Variants in HDAC4 observed in about 807,000 individuals in gnomAD.
HDAC4 encodes the protein histone deacetylase A.
Under a neutral mutation model 135.1 loss-of-function variants are expected in HDAC4, and 16 were observed. The observed-to-expected ratio is 0.12, with a 90% CI of 0.08 to 0.18. The LOEUF (loss-of-function observed/expected upper bound fraction) is 0.18, where lower values mean the gene tolerates loss of function less well. HDAC4 is among the 10% of genes least tolerant of loss of function. HDAC4 has a pLI of 1.00. For synonymous variants in HDAC4, 685 were observed against 653.4 expected, an observed-to-expected ratio of 1.05 and a Z score of -0.74; for missense variants, 1,143 against 1,511.8, an observed-to-expected ratio of 0.76 and a Z score of 4.05.
chr2:239,222,111 A>G (rs1266406764), intron 3 of HDAC4, among the ~76,000 whole-genome samples: 2 of 152,198 alleles, frequency 1.3e-5, no homozygotes, highest in Non-Finnish European at 2.9e-5. Context: ...GCGCAAGGCC[A>G]GAAACAGATC....
chr2:239,101,636 G>A (rs2037643597), intron 16 of HDAC4, among the ~76,000 whole-genome samples: 2 of 152,190 alleles, frequency 1.3e-5, no homozygotes, highest in Non-Finnish European at 2.9e-5. Context: ...CAGAAGATGG[G>A]GAAGAAAACC....
chr2:239,203,963 G>A (rs1011905561), intron 3 of HDAC4, among the ~76,000 whole-genome samples: 12 of 152,188 alleles, frequency 7.9e-5, no homozygotes, highest in Admixed American at 6.5e-4. Flanking sequence ...TTTCCTCAGC[G>A]CCCTTCCCAC....
At chr2:239,072,680 G>A (rs2034321157) in intron 22 of HDAC4, among the ~76,000 whole-genome samples, 1 of 152,250 alleles carries the variant, frequency 6.6e-6, no homozygotes, top group African/African-American at 2.4e-5. Flanking sequence ...GACGGCAGCA[G>A]GGCTGGCCCT....
intron 2 of HDAC4, among the ~76,000 whole-genome samples, chr2:239,347,660 G>T (rs951097911): frequency 6.6e-6 from 1 of 152,038 alleles, no homozygotes; most frequent in Non-Finnish European, 1.5e-5. Context: ...GACTACAGGC[G>T]CGTGCCACCA....
intron 5 of HDAC4, 28 bp from the exon 6 acceptor site, chr2:239,163,951 G>A: frequency 6.2e-7 from 1 of 1,613,720 alleles, no homozygotes; most frequent in Non-Finnish European, 8.5e-7. Flanking sequence ...ATAGCAGGGG[G>A]TGAAGTGTGG....
intron 1 of HDAC4, among the ~76,000 whole-genome samples, chr2:239,370,120 G>A (rs1694505043): frequency 6.6e-6 from 1 of 152,262 alleles, no homozygotes; most frequent in Admixed American, 6.5e-5. Flanking sequence ...GGACTGGCAG[G>A]TCAGTGAGGG....
At chr2:239,257,038 T>C (rs2049089305) in intron 2 of HDAC4, among the ~76,000 whole-genome samples, 2 of 152,216 alleles carry the variant, frequency 1.3e-5, no homozygotes, top group South Asian at 2.1e-4. Flanking sequence ...AAAATATCCA[T>C]GTAGACAAAT....
intron 1 of HDAC4, among the ~76,000 whole-genome samples, chr2:239,356,081 C>A (rs1693470891): frequency 6.6e-6 from 1 of 152,198 alleles, no homozygotes; most frequent in African/African-American, 2.4e-5. Flanking sequence ...CTATTCAAAA[C>A]TATGCTATTT....
chr2:239,111,924 G>A (rs1483875441), intron 13 of HDAC4, among the ~76,000 whole-genome samples: 6 of 152,212 alleles, frequency 3.9e-5, no homozygotes, highest in Admixed American at 3.9e-4. Flanking sequence ...GGCCAGCACA[G>A]GCTCTGCCTC....
At chr2:239,271,466 T>A (rs956304223) in intron 2 of HDAC4, among the ~76,000 whole-genome samples, 1 of 152,232 alleles carries the variant, frequency 6.6e-6, no homozygotes, top group Non-Finnish European at 1.5e-5. Flanking sequence ...AAGTTTTCAG[T>A]GCTGTTGTGT....
At chr2:239,089,068 T>G (rs10209084) in intron 18 of HDAC4, among the ~76,000 whole-genome samples, 52,022 of 151,708 alleles carry the variant, frequency 0.34, 9,231 homozygotes, top group Admixed American at 0.46. Flanking sequence ...CACGATTTGA[T>G]TTCAGATCCA....
At chr2:239,290,665 G>A (rs552988746) in intron 2 of HDAC4, among the ~76,000 whole-genome samples, 17 of 152,012 alleles carry the variant, frequency 1.1e-4, no homozygotes, top group East Asian at 3.9e-4. Flanking sequence ...ATGCGCGCAC[G>A]CATGCATTCA....
intron 1 of HDAC4, among the ~76,000 whole-genome samples, chr2:239,393,147 C>T (rs1360572682): frequency 1.3e-5 from 2 of 152,148 alleles, no homozygotes; most frequent in African/African-American, 2.4e-5. Flanking sequence ...TTCACCTTGC[C>T]CTTGTTTTGG....
chr2:239,211,374 T>C (rs1170154476), intron 3 of HDAC4, among the ~76,000 whole-genome samples: 1 of 152,172 alleles, frequency 6.6e-6, no homozygotes, highest in Admixed American at 6.5e-5. Context: ...CCCGTGCTTC[T>C]CCTGGGGGCC....
intron 24 of HDAC4, among the ~76,000 whole-genome samples, chr2:239,056,994 T>A (rs1001995338): frequency 6.6e-6 from 1 of 152,190 alleles, no homozygotes; most frequent in Non-Finnish European, 1.5e-5. Flanking sequence ...ACGAAATGAC[T>A]AAATGTGACG....
At chr2:239,305,304 G>A (rs994309692) in intron 2 of HDAC4, among the ~76,000 whole-genome samples, 37 of 152,264 alleles carry the variant, frequency 2.4e-4, no homozygotes, top group African/African-American at 8.7e-4. Context: ...GACACGGGGA[G>A]TCTGCTTGGC....
intron 2 of HDAC4, among the ~76,000 whole-genome samples, chr2:239,269,259 AC>A (rs2049924659): frequency 6.8e-6 from 1 of 147,392 alleles, no homozygotes; most frequent in South Asian, 2.1e-4. Context: ...ACATTCACAC[AC>A]CCACACATTC....
chr2:239,341,093 T>C (rs1692269465), intron 2 of HDAC4, among the ~76,000 whole-genome samples: 2 of 152,248 alleles, frequency 1.3e-5, no homozygotes, highest in Admixed American at 1.3e-4. Context: ...CGAAAACCTC[T>C]GCTTTCCATG....
intron 1 of HDAC4, among the ~76,000 whole-genome samples, chr2:239,369,360 G>C (rs938729071): frequency 9.9e-4 from 150 of 152,284 alleles, no homozygotes; most frequent in Admixed American, 3.8e-3. Context: ...TGCCCGGCGG[G>C]GGGTGGGCAG....
Sources: gnomAD v4.1 joint callset for allele counts (sites outside exome capture counted in the v4.1 genomes callset) on GRCh38, gnomAD v4.1.1 for gene constraint, MANE v1.5 for transcripts, NCBI Gene and HGNC (gene_info 2026-07-23, HGNC 2026-07-21) for gene names.